The following LRP5 variants were observed in gnomAD, a reference collection of about 807,000 sequenced individuals.
LRP5 encodes the protein low-density lipoprotein receptor-related protein 5.
A neutral mutation model predicts 154.1 loss-of-function variants in LRP5; 62 were observed. The ratio of observed to expected loss-of-function variants is 0.40; its 90% confidence interval spans 0.33 to 0.50. The LOEUF (loss-of-function observed/expected upper bound fraction) is 0.50. Ranked by LOEUF, LRP5 falls within the 20% of genes least tolerant of loss-of-function variation. LRP5 has a pLI of 0.55. For synonymous variants in LRP5, 966 were observed against 1,011.5 expected (o/e 0.96, Z 0.85); for missense variants, 1,915 against 2,336.7 (o/e 0.82, Z 3.72).
chr11:68,434,273 G>C (rs1310284570), intron 18 of LRP5, among the ~76,000 whole-genome samples: 1 of 152,192 alleles, frequency 6.6e-6, no homozygotes, highest in Non-Finnish European at 1.5e-5. Context: ...GGCATCCTGG[G>C]CCCTCTCTGA....
intron 17 of LRP5, among the ~76,000 whole-genome samples, chr11:68,430,932 G>A (rs1293980461): frequency 1.3e-5 from 2 of 152,172 alleles, no homozygotes; most frequent in East Asian, 3.9e-4. Flanking sequence ...GTGAAATTGA[G>A]AGCACTTACC....
rs190623874 is a variant in LRP5, at chr11:68,436,447, C to T, written c.4001-442C>T. Among the ~76,000 whole-genome samples the T allele has an allele frequency of 1.9e-4, 29 of 152,244 alleles. No individual in the cohort carries two copies. In the East Asian group the frequency reaches 2.1e-3, roughly 11 times the overall value. On this transcript the variant is annotated intron_variant, in intron 18 of 22. Coordinates refer to ENST00000294304, the MANE Select transcript of LRP5 (RefSeq NM_002335.4). ...CTGCCTGCACCTCCAGTGGGTTGTG[C>T]TCCCTCCCCTCCCCTCCCCTCAAGC...
At chr11:68,436,328 G>T (rs2098674892) in intron 18 of LRP5, among the ~76,000 whole-genome samples, 1 of 152,106 alleles carries the variant, frequency 6.6e-6, no homozygotes, top group Non-Finnish European at 1.5e-5. Flanking sequence ...CCCTCTGGGT[G>T]GGCGTCTGGG....
At chr11:68,417,352 A>G (rs640569) in intron 13 of LRP5, among the ~76,000 whole-genome samples, 105,999 of 151,270 alleles carry the variant, frequency 0.7, 38,379 homozygotes, top group South Asian at 0.84. Context: ...TTTTGCATTC[A>G]CTTAATGTTT....
chr11:68,425,105 C>T lies in LRP5; in HGVS notation c.3240C>T (p.Tyr1080=), dbSNP rs770861594. ...TTCACCCGCCACCCTCCCGCAGGTA[C>T]CTGTACTTCACCAACATGCAGGACC... The part of the protein sequence containing the change: ...RAIVVNAERG[Y]LYFTNMQDRA... The change falls in exon 15 of 23, where the codon TAC becomes TAT. Residue 1080 remains tyrosine, a synonymous_variant. Coordinates refer to ENST00000294304, the MANE Select transcript of LRP5 (RefSeq NM_002335.4). 1 of 1,613,670 alleles carries T rather than the reference C, an allele frequency of 6.2e-7. No individual in the cohort carries two copies. Among genetic ancestry groups the T allele is most frequent in the South Asian group, 1.1e-5 (1 of 91,084 alleles).
intron 6 of LRP5, among the ~76,000 whole-genome samples, chr11:68,388,815 C>T (rs2098644447): frequency 6.6e-6 from 1 of 152,182 alleles, no homozygotes; most frequent in South Asian, 2.1e-4. Context: ...TGGTGAAACC[C>T]GCACAGGGTG....
intron 7 of LRP5, among the ~76,000 whole-genome samples, chr11:68,396,925 C>A (rs1193118515): frequency 6.6e-6 from 1 of 152,170 alleles, no homozygotes; most frequent in African/African-American, 2.4e-5. Context: ...GGCTGAGGTC[C>A]CCTGATTGCA....
intron 18 of LRP5, among the ~76,000 whole-genome samples, chr11:68,434,503 C>T (rs1236328330): frequency 6.6e-6 from 1 of 152,144 alleles, no homozygotes; most frequent in Admixed American, 6.5e-5. Flanking sequence ...CCTCAGCCTC[C>T]CGAGTAGCTG....
chr11:68,439,644 A>G, intron 20 of LRP5, 133 bp from the exon 21 acceptor site: 1 of 950,094 alleles, frequency 1.1e-6, no homozygotes, highest in Non-Finnish European at 1.6e-6. Flanking sequence ...GGAGCGGGGC[A>G]CATTTCCAAC....
intron 15 of LRP5, among the ~76,000 whole-genome samples, chr11:68,425,642 G>A (rs187255243): frequency 6.6e-6 from 1 of 152,350 alleles, no homozygotes; most frequent in Non-Finnish European, 1.5e-5. Context: ...GAGAGTTGGT[G>A]CTTAGAGAGG....
chr11:68,385,825 G>C (rs1295421441), intron 5 of LRP5, among the ~76,000 whole-genome samples: 1 of 152,094 alleles, frequency 6.6e-6, no homozygotes, highest in East Asian at 1.9e-4. Context: ...AGAGGAGGGA[G>C]CGATGAAGTG....
At chr11:68,443,110 T>G (rs1053325390) in intron 21 of LRP5, among the ~76,000 whole-genome samples, 1 of 152,174 alleles carries the variant, frequency 6.6e-6, no homozygotes, top group Non-Finnish European at 1.5e-5. Context: ...TGGCACCCTT[T>G]CTCTCCACCT....
Position 68,433,617 on chromosome 11 carries a change from C to G in LRP5, c.3779C>G (p.Ser1260Cys). The G allele has an allele frequency of 6.2e-7, 1 of 1,613,458 alleles. No homozygotes were observed. The highest frequency in any genetic ancestry group is 1.1e-5 in the South Asian group (1 of 91,080). The change falls in exon 18 of 23, where the codon TCC (serine) becomes TGC (cysteine). Residue 1260 changes from serine to cysteine, a missense_variant. Around this residue, in one of 3 missense-constraint regions of LRP5, gnomAD observed 1,094 missense variants for 1,210.1 expected, o/e 0.90. Transcript: ENST00000294304. ...LLTCGEPPTC[S>C]PDQFACATGE... is the part of the protein sequence containing the mutation. Reference sequence around the variant, plus strand: ...CCTCCCCCAGAGCCGCCCACCTGCTCCCCGGACCAGTTTGCATGTGCCACA... The same window carrying G: ...CCTCCCCCAGAGCCGCCCACCTGCTGCCCGGACCAGTTTGCATGTGCCACA...
intron 17 of LRP5, among the ~76,000 whole-genome samples, chr11:68,431,944 C>T (rs1444228518): frequency 6.6e-6 from 1 of 152,198 alleles, no homozygotes; most frequent in Admixed American, 6.5e-5. Context: ...CGTGTATTTA[C>T]CGCACAGGTG....
Position 68,353,496 on chromosome 11 carries a change from T to C in LRP5, c.489-4154T>C, listed in dbSNP as rs2098620500. Reference sequence around the variant, plus strand: ...TCACAGCGCCCGCGGCAGCAACCCCTGCTCGCCAAATACTGACTTGAATAG... The same window carrying C: ...TCACAGCGCCCGCGGCAGCAACCCCCGCTCGCCAAATACTGACTTGAATAG... On this transcript the variant is annotated intron_variant, in intron 2 of 22. Transcript: ENST00000294304. The surrounding 1 kb of genome is among the most constrained non-coding windows in gnomAD (Gnocchi z 4.5). 1.3e-5 allele frequency among the ~76,000 whole-genome samples: 2 copies of C among 152,294 alleles called. No homozygotes were observed. Among genetic ancestry groups the C allele is most frequent in the South Asian group, 4.1e-4 (2 of 4,828 alleles).
chr11:68,319,282 G>A (rs2098595361), intron 1 of LRP5, among the ~76,000 whole-genome samples: 1 of 152,070 alleles, frequency 6.6e-6, no homozygotes, highest in Non-Finnish European at 1.5e-5. Flanking sequence ...TGGCCAGGCT[G>A]GTCTCGAACT....
chr11:68,434,350 T>TTTCATTCA (rs3138551), intron 18 of LRP5, among the ~76,000 whole-genome samples: 17 of 143,466 alleles, frequency 1.2e-4, no homozygotes, highest in South Asian at 4.5e-4. Context: ...GTGAGTTTTC[T>TTTCATTCA]TTCATTCATT....
At chr11:68,442,990 T>C (rs1476317467) in intron 21 of LRP5, among the ~76,000 whole-genome samples, 1 of 152,054 alleles carries the variant, frequency 6.6e-6, no homozygotes. Context: ...CATGGTCCTC[T>C]CTCCTGCTGC....
chr11:68,359,292 C>T (rs2153136892), intron 3 of LRP5, among the ~76,000 whole-genome samples: 1 of 152,316 alleles, frequency 6.6e-6, no homozygotes, highest in African/African-American at 2.4e-5. Flanking sequence ...CAAGAGGCCT[C>T]AGTTTCTCCT....
Sources: gnomAD v4.1 joint callset for allele counts (sites outside exome capture counted in the v4.1 genomes callset) on GRCh38, gnomAD v4.1.1 for gene constraint, gnomAD v4.1.1 regional missense constraint, Gnocchi (gnomAD v3.1) non-coding constraint, MANE v1.5 for transcripts, NCBI Gene and HGNC (gene_info 2026-07-23, HGNC 2026-07-21) for gene names.